Variants in EML5 observed in about 807,000 individuals in gnomAD.
EML5 encodes the protein EMAP like 5.
EML5 carries 120 observed loss-of-function variants against 250.0 expected under a neutral mutation model. The ratio of observed to expected loss-of-function variants is 0.48; its 90% CI spans 0.41 to 0.56. The LOEUF (loss-of-function observed/expected upper bound fraction) is 0.56. Among genes scored for constraint, EML5 ranks in the 20% least tolerant of loss-of-function variants. The probability of loss-of-function intolerance (pLI) is 0.00; values close to 1 mark genes in which losing one functional copy is unlikely to be tolerated. For synonymous variants in EML5, 771 were observed against 806.5 expected (o/e 0.96, Z 0.75); for missense variants, 2,006 against 2,437.6 (o/e 0.82, Z 3.73).
At chr14:88,779,463 C>T (rs73327348) in intron 1 of EML5, among the ~76,000 whole-genome samples, 1,564 of 152,224 alleles carry the variant, frequency 0.01, 40 homozygotes, top group African/African-American at 0.035. Context: ...GATAATGGCA[C>T]GTCTTTCATT....
chr14:88,662,351 T>TTG (rs1320299315), intron 24 of EML5, among the ~76,000 whole-genome samples: 7 of 141,940 alleles, frequency 4.9e-5, no homozygotes, highest in South Asian at 2.2e-4. Flanking sequence ...TTTTTTTTTT[T>TTG]TTTTTTTTTT....
At chr14:88,657,001 A>AT (rs557813316) in intron 27 of EML5, among the ~76,000 whole-genome samples, 103 of 151,188 alleles carry the variant, frequency 6.8e-4, no homozygotes, top group Middle Eastern at 6.8e-3. Context: ...TTTTGTGGGT[A>AT]TTTTTTTTTG....
intron 2 of EML5, among the ~76,000 whole-genome samples, chr14:88,751,841 C>T (rs1388452088): frequency 1.3e-5 from 2 of 152,152 alleles, no homozygotes; most frequent in Non-Finnish European, 2.9e-5. Context: ...CAAATTCCTA[C>T]CTGATCCTAT....
intron 29 of EML5, among the ~76,000 whole-genome samples, chr14:88,645,508 T>C (rs965224301): frequency 2.0e-5 from 3 of 152,354 alleles, no homozygotes; most frequent in East Asian, 1.9e-4. Context: ...ATGGCAGGTA[T>C]TGAATACATC....
chr14:88,710,401 A>G (rs1405190904), intron 10 of EML5, among the ~76,000 whole-genome samples: 1 of 152,216 alleles, frequency 6.6e-6, no homozygotes, highest in Non-Finnish European at 1.5e-5. Flanking sequence ...GAAGTCACCT[A>G]ATGAATATTA....
chr14:88,698,628 C>T (rs1011468667), intron 14 of EML5, among the ~76,000 whole-genome samples: 1 of 152,160 alleles, frequency 6.6e-6, no homozygotes, highest in Non-Finnish European at 1.5e-5. Flanking sequence ...ATACAAACCT[C>T]TCCCAAGGTG....
chr14:88,652,558 C>T (rs781554104), intron 27 of EML5, among the ~76,000 whole-genome samples: 4 of 152,168 alleles, frequency 2.6e-5, no homozygotes, highest in Non-Finnish European at 5.9e-5. Context: ...CACAAATTCG[C>T]TTGAATTTTC....
Position 88,640,541 on chromosome 14 carries a change from T to C in EML5, c.4238-1634A>G, listed in dbSNP as rs1281173062. On this transcript the variant is annotated intron_variant, in intron 31 of 43. Transcript: ENST00000554922. ...ACACAACATACCAAAATCTTTGGCA[T>C]GTAGCAAAAGCATGTTAAATGTTAA... Among the ~76,000 whole-genome samples, 7 of 152,286 alleles carry C rather than the reference T, an allele frequency of 4.6e-5. No individual in the cohort carries two copies. In the East Asian group the frequency reaches 1.4e-3, roughly 29 times the overall value.
rs773834442 is a variant in EML5, at chr14:88,736,374, G to A, written c.1039C>T (p.Arg347Cys). 12 of 1,613,786 alleles carry A rather than the reference G, an allele frequency of 7.4e-6. No homozygotes were observed. Among genetic ancestry groups the A allele is most frequent in the East Asian group, 2.2e-5 (1 of 44,880 alleles). Residue 347 changes from arginine (R) to cysteine (C), a missense_variant, in exon 7 of 44, where the codon CGT (arginine) becomes TGT (cysteine). Physicochemically the swap from Arg to Cys is radical, Grantham distance 180. Transcript: ENST00000554922. ...TTATAATTTGCTTACCTGACCGAAC[G>A]ATCATCACTTCCAGTCACAGCCAAA... ...KPLAVTGSDD[R>C]SVRIWSLVDH... is the part of the protein sequence containing the mutation.
intron 32 of EML5, among the ~76,000 whole-genome samples, chr14:88,637,506 C>T (rs1246265596): frequency 6.6e-6 from 1 of 151,998 alleles, no homozygotes; most frequent in Non-Finnish European, 1.5e-5. Flanking sequence ...AAAGGAGAAG[C>T]CAAGGTGGGA....
intron 21 of EML5, among the ~76,000 whole-genome samples, chr14:88,675,047 C>T (rs2092562723): frequency 6.6e-6 from 1 of 152,220 alleles, no homozygotes; most frequent in South Asian, 2.1e-4. Context: ...GAGTATAGCC[C>T]CCTTCCTGGC....
At chr14:88,741,156 C>G (rs950018889) in intron 4 of EML5, among the ~76,000 whole-genome samples, 1 of 151,140 alleles carries the variant, frequency 6.6e-6, no homozygotes, top group African/African-American at 2.4e-5. Flanking sequence ...AGTGAGACTC[C>G]GTCTCAAGAA....
At chr14:88,765,459 G>A (rs539150686) in intron 1 of EML5, among the ~76,000 whole-genome samples, 4 of 152,156 alleles carry the variant, frequency 2.6e-5, no homozygotes, top group South Asian at 2.1e-4. Context: ...AATCAGCAAC[G>A]GCACATTGAG....
chr14:88,615,845 G>C lies in EML5; in HGVS notation c.5907C>G (p.Val1969=). The C allele has an allele frequency of 6.2e-7, 1 of 1,611,658 alleles. No individual in the cohort carries two copies. The highest frequency in any genetic ancestry group is 8.5e-7 in the Non-Finnish European group (1 of 1,178,950). The change falls in exon 44 of 44, where the codon GTC becomes GTG. Residue 1969 remains valine, a synonymous_variant. Transcript: ENST00000554922. ...SAGGDDCSLF[V]WKCVHTPH ...AGTGAGGTGTATGTACACATTTCCA[G>C]ACAAATAAGCTGCAATCAGAGAAGA...
In EML5 at chr14:88,642,877, A is replaced by C. The variant is rs1017479037; in HGVS notation, c.4237+16T>G. The C allele has an allele frequency of 3.2e-6, 5 of 1,584,730 alleles. No homozygotes were observed. The African/African-American group carries it at 6.8e-5, about 22-fold the overall frequency. On this transcript the variant is annotated intron_variant, in intron 31 of 43. Coordinates refer to ENST00000554922, the MANE Select transcript of EML5 (RefSeq NM_183387.3). ...TAAAAAAATTGATAGAGGGATGGAG[A>C]ATCAGGGTTTCCTACCTGTAGCAAC...
chr14:88,749,302 GAA>G (rs1361858706), intron 2 of EML5, among the ~76,000 whole-genome samples: 1 of 152,242 alleles, frequency 6.6e-6, no homozygotes, highest in South Asian at 2.1e-4. Flanking sequence ...TGCTGAGGCA[GAA>G]AAAAGTCAGC....
In EML5 at chr14:88,722,059, T is replaced by C. The variant is rs551577981; in HGVS notation, c.1187+4482A>G. On this transcript the variant is annotated intron_variant, in intron 8 of 43. Coordinates refer to ENST00000554922, the MANE Select transcript of EML5 (RefSeq NM_183387.3). ...TAGAAAAATGCAAATCAAAACCACATTGAGGTACCATCTCACGTCAGTCAG... is the reference window on the plus strand; with the variant it reads ...TAGAAAAATGCAAATCAAAACCACACTGAGGTACCATCTCACGTCAGTCAG... Among the ~76,000 whole-genome samples, 9 of 152,138 alleles carry C rather than the reference T, an allele frequency of 5.9e-5. No homozygotes were observed. The South Asian group carries it at 6.2e-4, about 11-fold the overall frequency.
chr14:88,616,204 C>T lies in EML5; in HGVS notation c.5835G>A (p.Val1945=). The T allele has an allele frequency of 6.2e-7, 1 of 1,613,882 alleles. No homozygotes were observed. The highest frequency in any genetic ancestry group is 8.5e-7 in the Non-Finnish European group (1 of 1,179,818). The change falls in exon 43 of 44, where the codon GTG becomes GTA. Residue 1945 remains valine, a synonymous_variant. Coordinates refer to ENST00000554922, the MANE Select transcript of EML5 (RefSeq NM_183387.3). ...CACCACTGGTAAATCGAATATTTGT[C>T]ACATGGGGCGAATGACCCAAGAACC... The part of the protein sequence containing the change: ...HKRFLGHSPH[V]TNIRFTSGDR...
At chr14:88,725,799 C>A (rs191734299) in intron 8 of EML5, among the ~76,000 whole-genome samples, 1 of 152,168 alleles carries the variant, frequency 6.6e-6, no homozygotes, top group East Asian at 1.9e-4. Flanking sequence ...CACAAGAGTA[C>A]AATGGTGAGA....
Sources: gnomAD v4.1 joint callset for allele counts (sites outside exome capture counted in the v4.1 genomes callset) on GRCh38, gnomAD v4.1.1 for gene constraint, MANE v1.5 for transcripts, NCBI Gene and HGNC (gene_info 2026-07-23, HGNC 2026-07-21) for gene names.